The following IL1R2 variants were observed in gnomAD, a reference collection of about 807,000 sequenced individuals.
IL1R2 encodes interleukin-1 receptor type 2.
In IL1R2, 46 loss-of-function variants were observed where a neutral mutation model predicts 39.5. The ratio of observed to expected loss-of-function variants is 1.16; its 90% confidence interval spans 0.92 to 1.49. The LOEUF (loss-of-function observed/expected upper bound fraction) is 1.49, where lower values mean the gene tolerates loss of function less well. IL1R2 is among the 40% of genes most tolerant of loss of function. The pLI is 0.00. For synonymous variants in IL1R2, 207 were observed against 189.6 expected (o/e 1.09, Z -0.75); for missense variants, 537 against 502.0 (o/e 1.07, Z -0.67).
chr2:102,001,706 A>T (rs1182445616), intron 1 of IL1R2, among the ~76,000 whole-genome samples: 3 of 152,192 alleles, frequency 2.0e-5, no homozygotes, highest in East Asian at 3.8e-4. Context: ...CCCTCTTAAA[A>T]TTCTGTTATT....
rs28385682 is a variant in IL1R2, at chr2:102,019,665, G to A, written c.541G>A (p.Glu181Lys). 3.5e-3 allele frequency: 5,565 copies of A among 1,612,828 alleles called. 12 individuals carry two copies. Among genetic ancestry groups the A allele is most frequent in the Non-Finnish European group, 4.1e-3 (4,792 of 1,179,438 alleles). ...TTCTCTTCTTTTGGATAAAGACAAT[G>A]AGAAATTTCTAAGTGTGAGGGGGAC... is the stretch of plus-strand genomic sequence containing the variant. The part of the protein sequence containing the change: ...KDSLLLDKDN[E>K]KFLSVRGTTH... The change falls in exon 5 of 9, where the codon GAG (glutamate) becomes AAG (lysine). Residue 181 changes from glutamate to lysine, a missense_variant. Glu to Lys is a moderately conservative substitution (Grantham distance 56). Coordinates refer to ENST00000332549, the MANE Select transcript of IL1R2 (RefSeq NM_004633.4).
rs1436088971 is a variant in IL1R2 at position 102,008,550 on chromosome 2, G to A, written c.-26G>A. 5 of 1,607,142 alleles carry A rather than the reference G, an allele frequency of 3.1e-6. No homozygotes were observed. The highest frequency in any genetic ancestry group is 3.3e-5 in the Admixed American group (2 of 60,004). On this transcript the variant is annotated 5_prime_UTR_variant, in exon 2 of 9. In the 5' UTR this introduces an upstream ATG that the reference lacks. Transcript: ENST00000332549. ...GCTGGGTCTCAGTCCTCCACTTCCCGTGTCCTCTGGAAGTTGTCAGGAGCA... is the reference window on the plus strand; with the variant it reads ...GCTGGGTCTCAGTCCTCCACTTCCCATGTCCTCTGGAAGTTGTCAGGAGCA...
chr2:101,993,528 G>A (rs984116444), intron 1 of IL1R2, among the ~76,000 whole-genome samples: 13 of 152,194 alleles, frequency 8.5e-5, no homozygotes, highest in African/African-American at 3.1e-4. Context: ...AGACTCAGGT[G>A]TCCTGACTCC....
At chr2:102,014,947 A>AAGTAAT (rs70946667) in intron 3 of IL1R2, among the ~76,000 whole-genome samples, 1 of 141,510 alleles carries the variant, frequency 7.1e-6, no homozygotes, top group Non-Finnish European at 1.5e-5. Context: ...TAGGCTAGTA[A>AAGTAAT]AATAATAATA....
chr2:102,008,453 C>G, intron 1 of IL1R2, 62 bp from the exon 2 acceptor site: 1 of 778,454 alleles, frequency 1.3e-6, no homozygotes, highest in South Asian at 1.4e-5. Context: ...CCTACCCCGT[C>G]TTCAAGGGAT....
At chr2:102,008,744 C>A (rs866633201) in intron 2 of IL1R2, 102 bp downstream of exon 2, 5 of 998,396 alleles carry the variant, frequency 5.0e-6, no homozygotes, top group African/African-American at 3.2e-5. Context: ...AAGTGTGGGC[C>A]GAGCTCGGTG....
intron 3 of IL1R2, among the ~76,000 whole-genome samples, chr2:102,012,858 A>G (rs558027419): frequency 6.6e-6 from 1 of 152,360 alleles, no homozygotes; most frequent in East Asian, 1.9e-4. Flanking sequence ...TGAAACCTGA[A>G]GTCAGAAAGA....
chr2:102,007,303 T>C (rs1310193332), intron 1 of IL1R2, among the ~76,000 whole-genome samples: 1 of 152,274 alleles, frequency 6.6e-6, no homozygotes, highest in Middle Eastern at 3.4e-3. Context: ...TCTTGTTGCT[T>C]TTCTCCCTGG....
chr2:102,024,064 C>CA (rs1677573525), intron 6 of IL1R2, among the ~76,000 whole-genome samples: 1 of 132,334 alleles, frequency 7.6e-6, no homozygotes, highest in African/African-American at 3.2e-5. Context: ...CAAAACAAAA[C>CA]AAAACAAAAA....
At chr2:102,013,576 G>GAAAAAAAA (rs1559421494) in intron 3 of IL1R2, among the ~76,000 whole-genome samples, 3 of 54,718 alleles carry the variant, frequency 5.5e-5, no homozygotes, top group East Asian at 5.1e-4. Flanking sequence ...AGAAAAGAAG[G>GAAAAAAAA]AAAAGAAAAA....
chr2:102,017,918 AATCATT>A (rs1343794318), intron 4 of IL1R2, among the ~76,000 whole-genome samples: 1 of 152,238 alleles, frequency 6.6e-6, no homozygotes, highest in Non-Finnish European at 1.5e-5. Flanking sequence ...TTATTGGCTT[AATCATT>A]AATGAGAATT....
chr2:102,028,196 G>A, intron 8 of IL1R2, 30 bp from the exon 9 acceptor site: 1 of 1,580,398 alleles, frequency 6.3e-7, no homozygotes, highest in Non-Finnish European at 8.6e-7. Context: ...AGACTGTTCA[G>A]CTCCTGATGT....
intron 1 of IL1R2, among the ~76,000 whole-genome samples, chr2:102,006,368 T>C (rs1261095882): frequency 6.6e-6 from 1 of 152,120 alleles, no homozygotes; most frequent in Non-Finnish European, 1.5e-5. Context: ...AAACAGAGTT[T>C]AAGGGAGAAA....
intron 8 of IL1R2, among the ~76,000 whole-genome samples, chr2:102,027,113 G>T (rs1677790031): frequency 6.6e-6 from 1 of 152,168 alleles, no homozygotes; most frequent in Non-Finnish European, 1.5e-5. Context: ...TGAGCCACTG[G>T]TCACAAACAC....
At chr2:101,992,569 A>G (rs1675398206) in intron 1 of IL1R2, among the ~76,000 whole-genome samples, 2 of 151,496 alleles carry the variant, frequency 1.3e-5, no homozygotes, top group Non-Finnish European at 2.9e-5. Flanking sequence ...ACAGAGATGG[A>G]GAGAGACAGA....
At chr2:102,028,203 A>G in intron 8 of IL1R2, 23 bp from the exon 9 acceptor site, 2 of 1,589,204 alleles carry the variant, frequency 1.3e-6, no homozygotes, top group Non-Finnish European at 1.7e-6. Flanking sequence ...TCAGCTCCTG[A>G]TGTGACTCTG....
intron 6 of IL1R2, among the ~76,000 whole-genome samples, chr2:102,024,269 C>T (rs1434268732): frequency 6.6e-6 from 1 of 152,134 alleles, no homozygotes; most frequent in Non-Finnish European, 1.5e-5. Context: ...CGTGGGAGCG[C>T]AGGGGCCCTG....
intron 1 of IL1R2, 110 bp downstream of exon 1, chr2:101,992,121 G>C (rs1675357157): frequency 6.6e-6 from 1 of 152,452 alleles, no homozygotes; most frequent in South Asian, 2.1e-4. Flanking sequence ...GAGGCAGAGA[G>C]AGAGGGAAAG....
chr2:102,024,559 G>T lies in IL1R2; in HGVS notation c.778G>T (p.Val260Leu). ...GTCAAGACTGACAATCCCGTGTAAG[G>T]TGTTTCTGGGAACCGGCACACCCTT... Reference protein sequence around the residue: ...LGSRLTIPCKVFLGTGTPLTT... With the variant: ...LGSRLTIPCKLFLGTGTPLTT... Residue 260 changes from valine to leucine, a missense_variant, in exon 7 of 9, where the codon GTG becomes TTG. Transcript: ENST00000332549. The T allele has an allele frequency of 6.2e-7, 1 of 1,614,068 alleles. No individual in the cohort carries two copies. The highest frequency in any genetic ancestry group is 8.5e-7 in the Non-Finnish European group (1 of 1,179,986).
Sources: allele counts gnomAD v4.1 joint callset (sites outside exome capture counted in the v4.1 genomes callset), GRCh38; gene constraint gnomAD v4.1.1; transcripts MANE v1.5; gene names NCBI Gene and HGNC (gene_info 2026-07-23, HGNC 2026-07-21).